Variants in DNM3 observed in about 807,000 individuals in gnomAD.
DNM3 encodes the protein dynamin 3.
Under a neutral mutation model 101.6 loss-of-function variants are expected in DNM3, and 47 were observed. That is an observed-to-expected ratio of 0.46 (90% confidence interval 0.37 to 0.59). The LOEUF (loss-of-function observed/expected upper bound fraction) is 0.59. DNM3 is among the 20% of genes least tolerant of loss of function. DNM3 has a pLI of 0.00. For missense variants in DNM3, 849 were observed against 1,085.7 expected (o/e 0.78, Z 3.06); for synonymous variants, 385 against 387.9 (o/e 0.99, Z 0.09).
chr1:171,846,215 A>G (rs1041835558), intron 1 of DNM3, among the ~76,000 whole-genome samples: 1 of 141,562 alleles, frequency 7.1e-6, no homozygotes, highest in Non-Finnish European at 1.5e-5. Context: ...ACATTATATA[A>G]TATACTTTTA....
chr1:172,102,938 G>A (rs1485070635), intron 13 of DNM3, among the ~76,000 whole-genome samples: 1 of 152,068 alleles, frequency 6.6e-6, no homozygotes, highest in Non-Finnish European at 1.5e-5. Context: ...ATTAACCACT[G>A]TATAGCTTAT....
At chr1:172,078,114 A>C (rs1216547300) in intron 11 of DNM3, among the ~76,000 whole-genome samples, 2 of 151,466 alleles carry the variant, frequency 1.3e-5, no homozygotes, top group African/African-American at 4.9e-5. Flanking sequence ...GTTTTTTTAG[A>C]TGGAGTCTCA....
intron 2 of DNM3, among the ~76,000 whole-genome samples, chr1:171,980,151 CTTTT>C (rs35057661): frequency 3.6e-5 from 5 of 138,352 alleles, no homozygotes; most frequent in Non-Finnish European, 7.7e-5. Context: ...TTTAGATTTC[CTTTT>C]TTTTTTTTTT....
At chr1:172,135,166 A>G (rs2057147723) in intron 14 of DNM3, among the ~76,000 whole-genome samples, 1 of 152,136 alleles carries the variant, frequency 6.6e-6, no homozygotes, top group South Asian at 2.1e-4. Flanking sequence ...ATGTTTTTGG[A>G]AGGTGAAAAT....
At chr1:172,220,799 C>T (rs1022502908) in intron 14 of DNM3, among the ~76,000 whole-genome samples, 1 of 152,038 alleles carries the variant, frequency 6.6e-6, no homozygotes, top group African/African-American at 2.4e-5. Context: ...CAATCTGACC[C>T]GTTGAGATTC....
intron 1 of DNM3, among the ~76,000 whole-genome samples, chr1:171,852,110 TTTTAA>T (rs1023925580): frequency 6.6e-6 from 1 of 152,234 alleles, no homozygotes; most frequent in African/African-American, 2.4e-5. Flanking sequence ...AAAAGCTGTC[TTTTAA>T]TTGAAAAAGT....
intron 2 of DNM3, among the ~76,000 whole-genome samples, chr1:171,931,508 G>C (rs2041002762): frequency 6.6e-6 from 1 of 152,084 alleles, no homozygotes; most frequent in South Asian, 2.1e-4. Flanking sequence ...TTACTCTATG[G>C]TTATGAAATC....
At chr1:172,248,197 T>C (rs2062033045) in intron 14 of DNM3, among the ~76,000 whole-genome samples, 1 of 152,204 alleles carries the variant, frequency 6.6e-6, no homozygotes, top group African/African-American at 2.4e-5. Flanking sequence ...TCTAACAAAC[T>C]GTATGATGCT....
chr1:172,367,550 TGAG>T (rs1486440271), intron 17 of DNM3, among the ~76,000 whole-genome samples: 1 of 151,636 alleles, frequency 6.6e-6, no homozygotes, highest in East Asian at 1.9e-4. Flanking sequence ...TACAAAACAA[TGAG>T]AAGACAAAAA....
chr1:171,911,900 G>C (rs2039340221), intron 1 of DNM3, among the ~76,000 whole-genome samples: 1 of 152,132 alleles, frequency 6.6e-6, no homozygotes, highest in African/African-American at 2.4e-5. Flanking sequence ...AGAAAAGTCT[G>C]AGATTCATGT....
chr1:171,953,370 T>A (rs1186707226), intron 2 of DNM3, among the ~76,000 whole-genome samples: 1 of 152,170 alleles, frequency 6.6e-6, no homozygotes, highest in Non-Finnish European at 1.5e-5. Flanking sequence ...TATCTGACCT[T>A]TAAATAGATG....
intron 4 of DNM3, among the ~76,000 whole-genome samples, chr1:172,017,620 A>T (rs941481978): frequency 6.6e-6 from 1 of 152,164 alleles, no homozygotes; most frequent in African/African-American, 2.4e-5. Context: ...TATCTTCGTG[A>T]GTGTCCATGA....
At chr1:172,395,032 A>G (rs896466480) in intron 20 of DNM3, among the ~76,000 whole-genome samples, 1 of 152,106 alleles carries the variant, frequency 6.6e-6, no homozygotes, top group Non-Finnish European at 1.5e-5. Context: ...AGTTCTTGTT[A>G]TTTCTTGTTT....
chr1:172,095,777 TC>T (rs2054205379), intron 13 of DNM3, among the ~76,000 whole-genome samples: 1 of 152,216 alleles, frequency 6.6e-6, no homozygotes, highest in African/African-American at 2.4e-5. Flanking sequence ...GCAAAACTCT[TC>T]TTTAAAGTCT....
chr1:172,180,639 A>G (rs1445582166), intron 14 of DNM3, among the ~76,000 whole-genome samples: 1 of 152,160 alleles, frequency 6.6e-6, no homozygotes, highest in Non-Finnish European at 1.5e-5. Flanking sequence ...GGAATAGCAT[A>G]TGATTTATTT....
intron 15 of DNM3, among the ~76,000 whole-genome samples, chr1:172,271,758 G>T (rs2063096228): frequency 6.6e-6 from 1 of 152,048 alleles, no homozygotes; most frequent in South Asian, 2.1e-4. Flanking sequence ...ACTTTAAATG[G>T]ATCTTTTACT....
At chr1:172,355,252 C>T (rs1025419759) in intron 17 of DNM3, among the ~76,000 whole-genome samples, 5 of 152,174 alleles carry the variant, frequency 3.3e-5, no homozygotes, top group South Asian at 4.1e-4. Context: ...CACACACACA[C>T]ACACAAAGCC....
rs547818921 is a variant in DNM3 at position 172,169,854 on chromosome 1, A to G, written c.1659+38566A>G. ...GTTTGTTGTGATATTTAAATGAACT[A>G]TCCATAATTTTGTTTCTTTTTTCTT... On this transcript the variant is annotated intron_variant, in intron 14 of 20. Transcript: ENST00000627582. Among the ~76,000 whole-genome samples, 142 of 152,018 alleles carry G rather than the reference A, an allele frequency of 9.3e-4. 3 individuals carry two copies. In the South Asian group the frequency reaches 0.026, roughly 28 times the overall value.
intron 10 of DNM3, among the ~76,000 whole-genome samples, chr1:172,056,010 T>C (rs1383966391): frequency 6.6e-6 from 1 of 152,054 alleles, no homozygotes; most frequent in Non-Finnish European, 1.5e-5. Flanking sequence ...CGAAGCAGGG[T>C]GAAGCATTGC....
Sources: allele counts gnomAD v4.1 joint callset (sites outside exome capture counted in the v4.1 genomes callset), GRCh38; gene constraint gnomAD v4.1.1; transcripts MANE v1.5; gene names NCBI Gene and HGNC (gene_info 2026-07-23, HGNC 2026-07-21).